ST8SIA2: variants seen among roughly 807,000 people sequenced by gnomAD.
ST8SIA2 encodes ST8 alpha-N-acetyl-neuraminide alpha-2,8-sialyltransferase 2.
Under a neutral mutation model 37.6 loss-of-function variants are expected in ST8SIA2, and 22 were observed. The ratio of observed to expected loss-of-function variants is 0.58; its 90% CI spans 0.42 to 0.83. The LOEUF (loss-of-function observed/expected upper bound fraction) is 0.83. Ranked by LOEUF, ST8SIA2 falls within the 40% of genes least tolerant of loss-of-function variation. The pLI is 0.00. For missense variants in ST8SIA2, 382 were observed against 484.7 expected (o/e 0.79, Z 1.99); for synonymous variants, 205 against 201.2 (o/e 1.02, Z -0.16).
At chr15:92,442,053 A>C (rs1331118105) in intron 4 of ST8SIA2, among the ~76,000 whole-genome samples, 1 of 152,226 alleles carries the variant, frequency 6.6e-6, no homozygotes, top group African/African-American at 2.4e-5. Flanking sequence ...ACTGTTGGAC[A>C]AAAGAGAGCC....
chr15:92,435,325 G>A (rs1264714661), intron 3 of ST8SIA2, among the ~76,000 whole-genome samples: 1 of 152,204 alleles, frequency 6.6e-6, no homozygotes, highest in African/African-American at 2.4e-5. Context: ...GCCAGGAGCA[G>A]TGGGTTTTGA....
chr15:92,453,467 A>C (rs1245409588), intron 5 of ST8SIA2, among the ~76,000 whole-genome samples: 1 of 152,246 alleles, frequency 6.6e-6, no homozygotes, highest in Non-Finnish European at 1.5e-5. Context: ...AAGATTCTGT[A>C]CTTAGGTTCA....
chr15:92,421,199 T>C (rs1235158997), intron 1 of ST8SIA2: 2 of 152,156 alleles, frequency 1.3e-5, no homozygotes, highest in Non-Finnish European at 2.9e-5. Context: ...GTTTTCACAG[T>C]GGTAATGGGC....
At position 92,398,041 on chromosome 15, in the gene ST8SIA2, G is replaced by A. The variant is rs571881091; in HGVS notation, c.98+3879G>A. Among the ~76,000 whole-genome samples, 423 of 152,282 alleles carry A rather than the reference G, an allele frequency of 2.8e-3. 6 individuals carry two copies. Among genetic ancestry groups the A allele is most frequent in the Non-Finnish European group, 6.0e-4 (41 of 68,014 alleles). On this transcript the variant is annotated intron_variant, in intron 1 of 5. Transcript: ENST00000268164. ...CCAGCTACTCGGGAGGCTGAGGCAG[G>A]AGAATGGCTTGAAACCTGGGAGGAA...
intron 5 of ST8SIA2, among the ~76,000 whole-genome samples, chr15:92,452,103 G>A (rs184019730): frequency 2.8e-4 from 43 of 152,316 alleles, no homozygotes; most frequent in African/African-American, 1.0e-3. Flanking sequence ...CAGCAAAGAT[G>A]AGTCTTTTAC....
At chr15:92,435,981 C>T (rs59334879) in intron 3 of ST8SIA2, among the ~76,000 whole-genome samples, 13,704 of 152,148 alleles carry the variant, frequency 0.09, 2,070 homozygotes, top group African/African-American at 0.31. Context: ...ATCCTCTCAC[C>T]GCTTCCAGCC....
At chr15:92,419,422 C>T (rs562753781) in intron 1 of ST8SIA2, among the ~76,000 whole-genome samples, 59 of 152,290 alleles carry the variant, frequency 3.9e-4, no homozygotes, top group African/African-American at 1.4e-3. Flanking sequence ...GCTCATCTCT[C>T]CATTGAGTGG....
chr15:92,432,044 G>T (rs919877691), intron 2 of ST8SIA2, among the ~76,000 whole-genome samples: 3 of 152,136 alleles, frequency 2.0e-5, no homozygotes, highest in Non-Finnish European at 4.4e-5. Flanking sequence ...GCATCCACGG[G>T]AGAATTCCTC....
At chr15:92,428,664 A>G (rs2049693886) in intron 1 of ST8SIA2, among the ~76,000 whole-genome samples, 1 of 152,196 alleles carries the variant, frequency 6.6e-6, no homozygotes, top group Non-Finnish European at 1.5e-5. Context: ...TCCCAAGGAG[A>G]TATTTCCAAG....
intron 1 of ST8SIA2, chr15:92,420,985 G>A (rs1218533822): frequency 6.6e-6 from 1 of 152,188 alleles, no homozygotes; most frequent in Non-Finnish European, 1.5e-5. Flanking sequence ...TGAAATTGGG[G>A]GACAGTAACA....
intron 5 of ST8SIA2, among the ~76,000 whole-genome samples, chr15:92,452,084 C>A (rs1376926300): frequency 6.6e-6 from 1 of 152,212 alleles, no homozygotes; most frequent in African/African-American, 2.4e-5. Context: ...ACCCCTATAT[C>A]TGTCTTTTCA....
chr15:92,428,333 TG>T (rs1195537647), intron 1 of ST8SIA2, among the ~76,000 whole-genome samples: 1 of 152,262 alleles, frequency 6.6e-6, no homozygotes, highest in Non-Finnish European at 1.5e-5. Context: ...AAATCCGTGA[TG>T]TTTTTTCTGT....
At chr15:92,429,231 G>T (rs1345372395) in intron 1 of ST8SIA2, among the ~76,000 whole-genome samples, 1 of 152,152 alleles carries the variant, frequency 6.6e-6, no homozygotes. Flanking sequence ...TAAAAATAAT[G>T]AATCTCACAT....
chr15:92,422,244 C>G (rs992031542), intron 1 of ST8SIA2: 5 of 152,184 alleles, frequency 3.3e-5, no homozygotes, highest in African/African-American at 1.2e-4. Context: ...TCTTACAGTT[C>G]AGGAAATATG....
chr15:92,418,441 G>A lies in ST8SIA2; in HGVS notation c.99-11608G>A, dbSNP rs556585486. Among the ~76,000 whole-genome samples, 19 of 143,272 alleles carry A rather than the reference G, an allele frequency of 1.3e-4. 1 individual carries two copies. The highest frequency in any genetic ancestry group is 2.7e-5 in the African/African-American group (1 of 37,512). 94.0% of individuals were successfully genotyped at this position (143,272 alleles called of 152,430 possible). A position where few individuals can be genotyped will look rare whatever the true frequency, so the allele number is the denominator to read the frequency against. ...CACGCCACTGCACTCTAGTCTGGGC[G>A]ACAGGAGTGAGACCCTCCCTCAAAA... is the stretch of plus-strand genomic sequence containing the variant. On this transcript the variant is annotated intron_variant, in intron 1 of 5. Coordinates refer to ENST00000268164, the MANE Select transcript of ST8SIA2 (RefSeq NM_006011.4).
intron 5 of ST8SIA2, among the ~76,000 whole-genome samples, chr15:92,452,370 C>T (rs1292367603): frequency 6.6e-6 from 1 of 152,194 alleles, no homozygotes; most frequent in Non-Finnish European, 1.5e-5. Flanking sequence ...CACTGCTACC[C>T]ACAAAGTCAA....
At chr15:92,416,874 G>A (rs149772338) in intron 1 of ST8SIA2, among the ~76,000 whole-genome samples, 182 of 152,322 alleles carry the variant, frequency 1.2e-3, no homozygotes, top group Non-Finnish European at 2.2e-3. Flanking sequence ...AGCTGCAGGG[G>A]CAACAGCAGG....
chr15:92,449,991 G>T (rs1156533075), intron 5 of ST8SIA2, among the ~76,000 whole-genome samples: 1 of 152,148 alleles, frequency 6.6e-6, no homozygotes, highest in Admixed American at 6.6e-5. Flanking sequence ...TCACTTAGAA[G>T]AAATTCACTC....
chr15:92,421,375 G>C (rs570606919), intron 1 of ST8SIA2: 79 of 152,296 alleles, frequency 5.2e-4, no homozygotes, highest in African/African-American at 1.9e-3. Flanking sequence ...GCAAATATTG[G>C]CTCACAGGTG....
Sources: allele counts gnomAD v4.1 joint callset (sites outside exome capture counted in the v4.1 genomes callset), GRCh38; gene constraint gnomAD v4.1.1; transcripts MANE v1.5; gene names NCBI Gene and HGNC (gene_info 2026-07-23, HGNC 2026-07-21).